The following EFNA5 variants were observed in gnomAD, a reference collection of about 807,000 sequenced individuals.
EFNA5 encodes ephrin-A5.
Under a neutral mutation model 22.9 loss-of-function variants are expected in EFNA5, and 5 were observed. That is an observed-to-expected ratio of 0.22 (90% CI 0.11 to 0.46). EFNA5 has a LOEUF of 0.46. Ranked by LOEUF, EFNA5 falls within the 20% of genes least tolerant of loss-of-function variation. EFNA5 has a pLI of 0.99. For missense variants in EFNA5, 237 were observed against 293.3 expected (o/e 0.81, Z 1.40); for synonymous variants, 113 against 112.2 (o/e 1.01, Z -0.04).
chr5:107,393,979 A>G (rs1747852505), intron 2 of EFNA5, among the ~76,000 whole-genome samples: 1 of 152,242 alleles, frequency 6.6e-6, no homozygotes, highest in South Asian at 2.1e-4. Context: ...AGATCCACAG[A>G]AAACTTGTTA....
At chr5:107,460,386 G>A (rs1026099963) in intron 1 of EFNA5, among the ~76,000 whole-genome samples, 3 of 152,058 alleles carry the variant, frequency 2.0e-5, no homozygotes, top group Non-Finnish European at 2.9e-5. Context: ...CTGCTCATAA[G>A]GGACCATGAA....
intron 1 of EFNA5, among the ~76,000 whole-genome samples, chr5:107,615,995 A>C (rs1749904231): frequency 6.6e-6 from 1 of 152,214 alleles, no homozygotes. Context: ...ATTATATTTC[A>C]TTTCAAGATC....
At chr5:107,477,236 A>G (rs557813027) in intron 1 of EFNA5, among the ~76,000 whole-genome samples, 113 of 152,278 alleles carry the variant, frequency 7.4e-4, no homozygotes, top group Non-Finnish European at 1.3e-3. Flanking sequence ...TGTAGATAAG[A>G]GATACTAATC....
intron 1 of EFNA5, among the ~76,000 whole-genome samples, chr5:107,574,919 T>C (rs1748895416): frequency 6.6e-6 from 1 of 152,296 alleles, no homozygotes; most frequent in East Asian, 1.9e-4. Context: ...ATTCACTACA[T>C]ACCACTGTTC....
intron 1 of EFNA5, among the ~76,000 whole-genome samples, chr5:107,583,490 T>G (rs1193799586): frequency 1.3e-5 from 2 of 152,214 alleles, no homozygotes. Flanking sequence ...CTCTTTAATG[T>G]GAACTTGCTT....
intron 1 of EFNA5, among the ~76,000 whole-genome samples, chr5:107,562,959 C>T (rs1214473372): frequency 6.6e-6 from 1 of 152,058 alleles, no homozygotes; most frequent in Admixed American, 6.6e-5. Flanking sequence ...TTATAAAATA[C>T]ACAAAAAGGA....
In EFNA5 at chr5:107,377,201, C is replaced by T. The variant is rs1193092830; in HGVS notation, c.*4054G>A. ...GCGGATTTTGACTCATGGGTAACCT[C>T]CGACATGCCAGCATCTATTAAACTG... is the stretch of plus-strand genomic sequence containing the variant. On this transcript the variant is annotated 3_prime_UTR_variant, in exon 5 of 5. Coordinates refer to ENST00000333274, the MANE Select transcript of EFNA5 (RefSeq NM_001962.3). 6.6e-6 allele frequency: 1 copy of T among 152,208 alleles called. No homozygotes were observed. Among genetic ancestry groups the T allele is most frequent in the East Asian group, 1.9e-4 (1 of 5,168 alleles). The allele number at this position is 152,208 out of a possible 1,614,324, so 9.4% of individuals were successfully genotyped here.
intron 1 of EFNA5, among the ~76,000 whole-genome samples, chr5:107,588,916 C>T (rs1047219735): frequency 3.9e-5 from 6 of 152,176 alleles, no homozygotes; most frequent in African/African-American, 1.4e-4. Flanking sequence ...GCGCTGGCTG[C>T]AGTGCAAAGT....
At chr5:107,601,862 GA>G in intron 1 of EFNA5, among the ~76,000 whole-genome samples, 1 of 152,142 alleles carries the variant, frequency 6.6e-6, no homozygotes, top group Non-Finnish European at 1.5e-5. Context: ...GACTCGTTGA[GA>G]CAATAAACTA....
chr5:107,543,470 A>T (rs1387668827), intron 1 of EFNA5, among the ~76,000 whole-genome samples: 3 of 152,232 alleles, frequency 2.0e-5, no homozygotes, highest in African/African-American at 7.2e-5. Context: ...TACCCAAAAA[A>T]TCACACAAAG....
intron 1 of EFNA5, among the ~76,000 whole-genome samples, chr5:107,668,591 T>C (rs763212552): frequency 6.6e-6 from 1 of 152,042 alleles, no homozygotes; most frequent in African/African-American, 2.4e-5. Context: ...AAGATCACAA[T>C]GTGGAGCTTG....
At chr5:107,416,932 T>A (rs1017014416) in intron 2 of EFNA5, among the ~76,000 whole-genome samples, 6 of 152,144 alleles carry the variant, frequency 3.9e-5, no homozygotes, top group Non-Finnish European at 8.8e-5. Context: ...GCAGTAAAAC[T>A]TAATCAATTC....
intron 1 of EFNA5, among the ~76,000 whole-genome samples, chr5:107,482,170 G>C (rs1169934973): frequency 2.0e-5 from 3 of 152,008 alleles, no homozygotes; most frequent in African/African-American, 7.2e-5. Context: ...GCCAGGTGTG[G>C]TAGCATGCGC....
intron 1 of EFNA5, among the ~76,000 whole-genome samples, chr5:107,607,686 C>T (rs1193006636): frequency 6.6e-6 from 1 of 152,152 alleles, no homozygotes; most frequent in Admixed American, 6.5e-5. Context: ...CACCTCTCAA[C>T]ACAGTTTCTT....
chr5:107,471,926 C>T (rs1222730096), intron 1 of EFNA5, among the ~76,000 whole-genome samples: 2 of 152,122 alleles, frequency 1.3e-5, no homozygotes, highest in Admixed American at 1.3e-4. Flanking sequence ...TCTATTGTTT[C>T]TTTTAACATT....
At chr5:107,589,475 T>C (rs77061826) in intron 1 of EFNA5, among the ~76,000 whole-genome samples, 20,173 of 151,506 alleles carry the variant, frequency 0.13, 1,410 homozygotes, top group Non-Finnish European at 0.15. Flanking sequence ...TAAACATATA[T>C]ACACACACAC....
intron 1 of EFNA5, among the ~76,000 whole-genome samples, chr5:107,458,832 A>G (rs1337865871): frequency 6.6e-6 from 1 of 152,142 alleles, no homozygotes; most frequent in African/African-American, 2.4e-5. Flanking sequence ...TTAATCATCC[A>G]TTGTACATCA....
chr5:107,598,258 A>G (rs1329453802), intron 1 of EFNA5, among the ~76,000 whole-genome samples: 1 of 152,140 alleles, frequency 6.6e-6, no homozygotes, highest in Non-Finnish European at 1.5e-5. Context: ...GAATCAGAGG[A>G]GTTAAATAAT....
chr5:107,382,913 TTAAC>T (rs1198314794), intron 4 of EFNA5, among the ~76,000 whole-genome samples: 1 of 152,148 alleles, frequency 6.6e-6, no homozygotes, highest in Non-Finnish European at 1.5e-5. Flanking sequence ...CCTTAATGGG[TTAAC>T]TAACCATTAT....
Sources: allele counts gnomAD v4.1 joint callset (sites outside exome capture counted in the v4.1 genomes callset), GRCh38; gene constraint gnomAD v4.1.1; transcripts MANE v1.5; gene names NCBI Gene and HGNC (gene_info 2026-07-23, HGNC 2026-07-21).